Variants in PUS7 observed in about 807,000 individuals in gnomAD.
The protein encoded by PUS7 is pseudouridine synthase 7, also known as pseudouridylate synthase 7 homolog.
A neutral mutation model predicts 79.8 loss-of-function variants in PUS7; 48 were observed. That is an observed-to-expected ratio of 0.60 (90% CI 0.48 to 0.76). The LOEUF (loss-of-function observed/expected upper bound fraction) is 0.76, where lower values mean the gene tolerates loss of function less well. PUS7 is among the 30% of genes least tolerant of loss of function. The pLI, the probability that PUS7 is intolerant of heterozygous loss-of-function variation, is 0.00. For missense variants in PUS7, 729 were observed against 797.6 expected (o/e 0.91, Z 1.04); for synonymous variants, 286 against 272.2 (o/e 1.05, Z -0.50).
At chr7:105,485,610 T>C (rs1457370555) in intron 7 of PUS7, among the ~76,000 whole-genome samples, 1 of 152,248 alleles carries the variant, frequency 6.6e-6, no homozygotes, top group African/African-American at 2.4e-5. Flanking sequence ...CACACTTAAA[T>C]GGTTTTTTAG....
chr7:105,461,919 C>T (rs541895126), intron 14 of PUS7, among the ~76,000 whole-genome samples: 1 of 151,868 alleles, frequency 6.6e-6, no homozygotes, highest in East Asian at 1.9e-4. Context: ...GGCTCATGCC[C>T]GTAATCCCAA....
chr7:105,506,345 C>G (rs1296391219), intron 2 of PUS7, 72 bp from the exon 3 acceptor site: 2 of 1,073,740 alleles, frequency 1.9e-6, no homozygotes, highest in Non-Finnish European at 2.8e-6. Context: ...TAAAGTTGAT[C>G]AACAGCAAGC....
intron 15 of PUS7, 72 bp downstream of exon 15, chr7:105,459,096 A>C (rs1348547508): frequency 1.1e-6 from 1 of 913,940 alleles, no homozygotes; most frequent in African/African-American, 1.7e-5. Context: ...AGCAGTTTTC[A>C]AAAAAAAATT....
chr7:105,480,357 C>A (rs1409436387), intron 9 of PUS7, among the ~76,000 whole-genome samples: 1 of 152,054 alleles, frequency 6.6e-6, no homozygotes, highest in Non-Finnish European at 1.5e-5. Flanking sequence ...AGCCTGCAAT[C>A]TCAGCTACTT....
intron 12 of PUS7, 35 bp downstream of exon 12, chr7:105,468,302 G>C (rs1286624821): frequency 1.2e-6 from 2 of 1,601,346 alleles, no homozygotes; most frequent in Admixed American, 3.5e-5. Flanking sequence ...CTGAACCCTA[G>C]CTTAGCTGAG....
At position 105,505,003 on chromosome 7, in the gene PUS7, AT is replaced by A. The variant is rs112752687; in HGVS notation, c.585+951del. Among the ~76,000 whole-genome samples, 986 of 142,442 alleles carry A rather than the reference AT, an allele frequency of 6.9e-3. 8 individuals are homozygous for A. Among genetic ancestry groups the A allele is most frequent in the African/African-American group, 0.017 (650 of 39,180 alleles). The allele number at this position is 142,442 out of a possible 152,430, so 93.4% of individuals were successfully genotyped here. A position where few individuals can be genotyped will look rare whatever the true frequency, so the allele number is the denominator to read the frequency against. ...TGTAGTACAAAATTAATTTAACATA[AT>A]TTTTTTTTTTTTTTGATATGGAGTC... is the stretch of plus-strand genomic sequence containing the variant. On this transcript the variant is annotated intron_variant, in intron 4 of 15. Coordinates refer to ENST00000469408, the MANE Select transcript of PUS7 (RefSeq NM_019042.5).
chr7:105,463,838 T>A (rs188197527), intron 13 of PUS7, among the ~76,000 whole-genome samples: 1 of 152,210 alleles, frequency 6.6e-6, no homozygotes, highest in Non-Finnish European at 1.5e-5. Flanking sequence ...AATACTGCAA[T>A]AGAATATTAT....
At chr7:105,509,173 A>T (rs1825602704) in intron 1 of PUS7, among the ~76,000 whole-genome samples, 1 of 131,062 alleles carries the variant, frequency 7.6e-6, no homozygotes, top group Non-Finnish European at 1.6e-5. Flanking sequence ...GACCAGAGCA[A>T]GACTCCATCT....
intron 1 of PUS7, among the ~76,000 whole-genome samples, chr7:105,515,274 C>T (rs1825852333): frequency 6.6e-6 from 1 of 152,088 alleles, no homozygotes; most frequent in Non-Finnish European, 1.5e-5. Flanking sequence ...ATGTGAAAAC[C>T]CTGTACGAAA....
chr7:105,495,834 T>A (rs1426645583), intron 5 of PUS7, among the ~76,000 whole-genome samples: 5 of 152,032 alleles, frequency 3.3e-5, no homozygotes, highest in Non-Finnish European at 5.9e-5. Flanking sequence ...GAGCAGCTAG[T>A]GTTACTTCAG....
chr7:105,515,040 C>A (rs144732070), intron 1 of PUS7, among the ~76,000 whole-genome samples: 38 of 152,090 alleles, frequency 2.5e-4, no homozygotes, highest in Non-Finnish European at 4.4e-4. Flanking sequence ...GTGATCTGCC[C>A]GCCTTGGCCT....
chr7:105,500,243 T>C (rs1825192651), intron 5 of PUS7, among the ~76,000 whole-genome samples: 1 of 152,148 alleles, frequency 6.6e-6, no homozygotes, highest in Non-Finnish European at 1.5e-5. Context: ...GAAGGGTGGT[T>C]CACATCGCAC....
chr7:105,495,056 T>C lies in PUS7; in HGVS notation c.842+86A>G. 9 of 653,440 alleles carry C rather than the reference T, an allele frequency of 1.4e-5. No individual in the cohort carries two copies. The South Asian group carries it at 1.8e-4, about 13-fold the overall frequency. 40.5% of individuals were successfully genotyped at this position (653,440 alleles called of 1,614,324 possible). A position where few individuals can be genotyped will look rare whatever the true frequency, so the allele number is the denominator to read the frequency against. Reference sequence around the variant, plus strand: ...ATTTACTATCTGTAATCTGTGCTCCTCCTGCTCCTTTTTCCATTAGCATGG... The same window carrying C: ...ATTTACTATCTGTAATCTGTGCTCCCCCTGCTCCTTTTTCCATTAGCATGG... On this transcript the variant is annotated intron_variant, in intron 6 of 15. Coordinates refer to ENST00000469408, the MANE Select transcript of PUS7 (RefSeq NM_019042.5).
At chr7:105,503,476 CGTGT>C (rs1191282069) in intron 4 of PUS7, among the ~76,000 whole-genome samples, 1 of 152,068 alleles carries the variant, frequency 6.6e-6, no homozygotes, top group African/African-American at 2.4e-5. Flanking sequence ...ATATTTTCAG[CGTGT>C]GAGTGCATCT....
chr7:105,492,221 TG>T (rs1281625629), intron 6 of PUS7, among the ~76,000 whole-genome samples: 1 of 152,036 alleles, frequency 6.6e-6, no homozygotes, highest in Non-Finnish European at 1.5e-5. Flanking sequence ...TGCGCTATGA[TG>T]GTGCCTGTGA....
In PUS7 at chr7:105,483,388, C is replaced by G. The variant is rs79247993; in HGVS notation, c.921-948G>C. On this transcript the variant is annotated intron_variant, in intron 7 of 15. Transcript: ENST00000469408. ...CCATGTTGGCCAGGCTGGTCTTGAACTCCTGACCTCAGGTGATCCGCCCGC... is the reference window on the plus strand; with the variant it reads ...CCATGTTGGCCAGGCTGGTCTTGAAGTCCTGACCTCAGGTGATCCGCCCGC... Among the ~76,000 whole-genome samples the G allele has an allele frequency of 6.2e-3, 949 of 152,226 alleles. 18 individuals are homozygous for G. The highest frequency in any genetic ancestry group is 0.044 in the East Asian group (230 of 5,174).
chr7:105,462,593 T>G (rs761320546), intron 14 of PUS7, 28 bp downstream of exon 14: 3 of 1,611,756 alleles, frequency 1.9e-6, no homozygotes, highest in Non-Finnish European at 2.5e-6. Flanking sequence ...GGTAATTCAG[T>G]TCTATCTCAT....
intron 2 of PUS7, 111 bp from the exon 3 acceptor site, chr7:105,506,384 A>T (rs752335836): frequency 9.6e-5 from 74 of 769,966 alleles, no homozygotes; most frequent in Middle Eastern, 2.9e-4. Flanking sequence ...AAGGAATTTT[A>T]AAAAATCTTC....
intron 3 of PUS7, 59 bp from the exon 4 acceptor site, chr7:105,506,115 G>C: frequency 6.4e-7 from 1 of 1,566,630 alleles, no homozygotes; most frequent in Non-Finnish European, 8.7e-7. Flanking sequence ...GTTTAATAAA[G>C]CTCTATATTT....
Sources: gnomAD v4.1 joint callset for allele counts (sites outside exome capture counted in the v4.1 genomes callset) on GRCh38, gnomAD v4.1.1 for gene constraint, MANE v1.5 for transcripts, NCBI Gene and HGNC (gene_info 2026-07-23, HGNC 2026-07-21) for gene names.